Variants in PCDH15 observed in about 807,000 individuals in gnomAD.
PCDH15 encodes protocadherin-15.
In PCDH15, 129 loss-of-function variants were observed where a neutral mutation model predicts 178.5. The observed-to-expected ratio is 0.72, with a 90% confidence interval of 0.63 to 0.84. The LOEUF (loss-of-function observed/expected upper bound fraction) is 0.84, where lower values mean the gene tolerates loss of function less well. PCDH15 is among the 40% of genes least tolerant of loss of function. The probability of loss-of-function intolerance (pLI) is 0.00; values close to 1 mark genes in which losing one functional copy is unlikely to be tolerated. For synonymous variants in PCDH15, 800 were observed against 732.0 expected (o/e 1.09, Z -1.50); for missense variants, 2,230 against 2,099.9 (o/e 1.06, Z -1.21).
intron 21 of PCDH15, among the ~76,000 whole-genome samples, chr10:53,979,718 TA>T (rs2090469080): frequency 6.6e-6 from 1 of 152,120 alleles, no homozygotes; most frequent in South Asian, 2.1e-4. Flanking sequence ...CATTTCTGAT[TA>T]AAACTGTGAA....
intron 2 of PCDH15, among the ~76,000 whole-genome samples, chr10:54,660,920 A>G (rs530652041): frequency 4.6e-5 from 7 of 152,182 alleles, no homozygotes; most frequent in African/African-American, 1.7e-4. Context: ...TGTCTGTATG[A>G]TAAAAACCCT....
chr10:54,648,309 G>C (rs934622315), intron 2 of PCDH15, among the ~76,000 whole-genome samples: 2 of 152,128 alleles, frequency 1.3e-5, no homozygotes, highest in Admixed American at 1.3e-4. Flanking sequence ...TCTCCAGTCA[G>C]TGTAAATGTA....
chr10:55,401,088 A>G (rs781252465), intron 2 of PCDH15, among the ~76,000 whole-genome samples: 1 of 152,100 alleles, frequency 6.6e-6, no homozygotes, highest in South Asian at 2.1e-4. Context: ...TGTCCTGGGA[A>G]CACAACCATC....
At chr10:54,421,123 A>G (rs1286612292) in intron 3 of PCDH15, among the ~76,000 whole-genome samples, 3 of 152,108 alleles carry the variant, frequency 2.0e-5, no homozygotes, top group Non-Finnish European at 4.4e-5. Context: ...ATTGTATTGT[A>G]TTGTATTTGC....
intron 2 of PCDH15, among the ~76,000 whole-genome samples, chr10:55,499,203 A>C (rs1478707942): frequency 6.6e-6 from 1 of 151,838 alleles, no homozygotes; most frequent in African/African-American, 2.4e-5. Context: ...TGACCTACAC[A>C]AATGAAGCAA....
rs755723000 is a variant in PCDH15, at chr10:55,586,227, T to C, written c.-156+41398A>G. 2.6e-5 allele frequency among the ~76,000 whole-genome samples: 4 copies of C among 152,214 alleles called. No homozygotes were observed. In the South Asian group the frequency reaches 8.3e-4, roughly 32 times the overall value. On this transcript the variant is annotated intron_variant, in intron 2 of 5. Transcript: ENST00000613346. ...CACTCAAGATTATATGACTCATAAGTGGCAAAGCTGGTTTTTAAACTCTCA... is the reference window on the plus strand; with the variant it reads ...CACTCAAGATTATATGACTCATAAGCGGCAAAGCTGGTTTTTAAACTCTCA...
chr10:54,869,486 C>A (rs761218801), intron 3 of PCDH15, among the ~76,000 whole-genome samples: 68 of 152,198 alleles, frequency 4.5e-4, no homozygotes, highest in South Asian at 1.0e-3. Context: ...TTAAAGAGTA[C>A]ACAGTGTATG....
intron 1 of PCDH15, among the ~76,000 whole-genome samples, chr10:54,799,108 C>T (rs930035123): frequency 1.8e-4 from 28 of 152,144 alleles, no homozygotes; most frequent in Middle Eastern, 3.4e-3. Flanking sequence ...ATTTGCTTGA[C>T]GTACGTTTTG....
chr10:54,432,227 G>A (rs1283051178), intron 3 of PCDH15, among the ~76,000 whole-genome samples: 1 of 151,814 alleles, frequency 6.6e-6, no homozygotes, highest in East Asian at 1.9e-4. Flanking sequence ...ATTCTAAAAT[G>A]TATGTGGAAT....
intron 1 of PCDH15, among the ~76,000 whole-genome samples, chr10:54,706,765 C>T (rs2095369397): frequency 1.3e-5 from 2 of 152,004 alleles, no homozygotes; most frequent in African/African-American, 4.8e-5. Flanking sequence ...CTGGGACTAC[C>T]AGTGCATGCC....
At chr10:54,446,397 T>C (rs1185416189) in intron 3 of PCDH15, among the ~76,000 whole-genome samples, 3 of 151,694 alleles carry the variant, frequency 2.0e-5, no homozygotes, top group East Asian at 1.9e-4. Context: ...GTTCATATAA[T>C]TTTTTTCCTT....
chr10:54,315,974 TTTTG>T (rs1355675883), intron 8 of PCDH15, among the ~76,000 whole-genome samples: 1 of 84,440 alleles, frequency 1.2e-5, no homozygotes, highest in Admixed American at 1.2e-4. Context: ...GTTTTTTGGG[TTTTG>T]TTTTTTTTTT....
chr10:55,251,378 C>T (rs1279364576), intron 1 of PCDH15, among the ~76,000 whole-genome samples: 2 of 152,106 alleles, frequency 1.3e-5, no homozygotes, highest in Non-Finnish European at 2.9e-5. Context: ...CACCCCAGTC[C>T]TAAACCATGT....
chr10:55,278,090 A>G (rs1046077592), intron 1 of PCDH15, among the ~76,000 whole-genome samples: 6 of 152,152 alleles, frequency 3.9e-5, no homozygotes, highest in African/African-American at 1.2e-4. Context: ...CTACATGTCA[A>G]TGCAGTCAAA....
intron 2 of PCDH15, among the ~76,000 whole-genome samples, chr10:54,978,331 G>A (rs947837301): frequency 6.6e-6 from 1 of 152,070 alleles, no homozygotes; most frequent in Admixed American, 6.6e-5. Context: ...AACAATATGA[G>A]TAGACTATGT....
chr10:54,028,095 A>G (rs1398008442), intron 18 of PCDH15, among the ~76,000 whole-genome samples: 2 of 151,194 alleles, frequency 1.3e-5, no homozygotes, highest in South Asian at 2.1e-4. Context: ...TTACAAGAAA[A>G]AAACAAACAA....
At chr10:54,884,711 T>C (rs948272490) in intron 3 of PCDH15, among the ~76,000 whole-genome samples, 2 of 100,316 alleles carry the variant, frequency 2.0e-5, no homozygotes, top group Admixed American at 1.0e-4. Flanking sequence ...CTGAAGTGAA[T>C]AGCCAAATTG....
intron 3 of PCDH15, among the ~76,000 whole-genome samples, chr10:54,826,170 A>C: frequency 6.6e-6 from 1 of 151,970 alleles, no homozygotes; most frequent in Non-Finnish European, 1.5e-5. Flanking sequence ...TTTTATATTT[A>C]CACCACAGGA....
At chr10:54,068,052 C>G (rs542177482) in intron 17 of PCDH15, among the ~76,000 whole-genome samples, 1 of 152,118 alleles carries the variant, frequency 6.6e-6, no homozygotes, top group Admixed American at 6.6e-5. Context: ...CACAGAAGTT[C>G]TATACCATGC....
Sources: allele counts gnomAD v4.1 joint callset (sites outside exome capture counted in the v4.1 genomes callset), GRCh38; gene constraint gnomAD v4.1.1; transcripts MANE v1.5; gene names NCBI Gene and HGNC (gene_info 2026-07-23, HGNC 2026-07-21).